ITGA8: variants seen among roughly 807,000 people sequenced by gnomAD.
ITGA8 encodes integrin subunit alpha 8.
A neutral mutation model predicts 142.3 loss-of-function variants in ITGA8; 91 were observed. The observed-to-expected ratio is 0.64, with a 90% CI of 0.54 to 0.76. The LOEUF is 0.76. Among genes scored for constraint, ITGA8 ranks in the 30% least tolerant of loss-of-function variants. ITGA8 has a pLI of 0.00. For missense variants in ITGA8, 1,406 were observed against 1,327.7 expected (o/e 1.06, Z -0.92); for synonymous variants, 505 against 485.2 (o/e 1.04, Z -0.54).
chr10:15,664,316 T>C (rs549347936), intron 8 of ITGA8, among the ~76,000 whole-genome samples: 11 of 152,230 alleles, frequency 7.2e-5, no homozygotes, highest in African/African-American at 1.7e-4. Context: ...GAAGACATAA[T>C]GAGAGGACAA....
At chr10:15,661,611 T>C (rs1019208710) in intron 8 of ITGA8, among the ~76,000 whole-genome samples, 4 of 152,206 alleles carry the variant, frequency 2.6e-5, no homozygotes, top group Non-Finnish European at 4.4e-5. Context: ...GTGTGATTTA[T>C]AAATTAGACT....
chr10:15,560,143 G>A (rs774443274), intron 25 of ITGA8, among the ~76,000 whole-genome samples: 3 of 152,054 alleles, frequency 2.0e-5, no homozygotes, highest in African/African-American at 4.8e-5. Context: ...AGCCAATGTG[G>A]TGGGACAAGC....
At chr10:15,676,949 C>T (rs946428036) in intron 6 of ITGA8, among the ~76,000 whole-genome samples, 1 of 152,114 alleles carries the variant, frequency 6.6e-6, no homozygotes, top group Non-Finnish European at 1.5e-5. Context: ...GTGGAGGTTG[C>T]AGTGGGTCGA....
At chr10:15,642,685 G>A (rs1347478901) in intron 13 of ITGA8, among the ~76,000 whole-genome samples, 1 of 152,160 alleles carries the variant, frequency 6.6e-6, no homozygotes, top group Admixed American at 6.5e-5. Flanking sequence ...GGAAGCATTA[G>A]TATACGATAT....
At chr10:15,712,655 G>A (rs1006797078) in intron 2 of ITGA8, among the ~76,000 whole-genome samples, 2 of 152,106 alleles carry the variant, frequency 1.3e-5, no homozygotes, top group African/African-American at 4.8e-5. Flanking sequence ...GTACTGTCAT[G>A]GTATCCATCA....
At chr10:15,627,293 G>T (rs1316066362) in intron 13 of ITGA8, among the ~76,000 whole-genome samples, 1 of 151,736 alleles carries the variant, frequency 6.6e-6, no homozygotes, top group Non-Finnish European at 1.5e-5. Flanking sequence ...TCTGCAATTA[G>T]TATGCAGCAG....
chr10:15,652,836 C>T (rs1163840503), intron 11 of ITGA8, among the ~76,000 whole-genome samples: 1 of 152,192 alleles, frequency 6.6e-6, no homozygotes. Flanking sequence ...TCCTGCCTCC[C>T]CTGGTGCATG....
intron 2 of ITGA8, among the ~76,000 whole-genome samples, chr10:15,695,344 A>G (rs956454416): frequency 1.3e-5 from 2 of 152,158 alleles, no homozygotes; most frequent in African/African-American, 4.8e-5. Context: ...CCTTTCTAAA[A>G]TTCTGTTTTA....
At chr10:15,548,070 T>A (rs78187703) in intron 27 of ITGA8, among the ~76,000 whole-genome samples, 36 of 150,180 alleles carry the variant, frequency 2.4e-4, no homozygotes, top group South Asian at 1.2e-3. Context: ...GTAAAAAAAA[T>A]TTTTTTAAGT....
intron 26 of ITGA8, among the ~76,000 whole-genome samples, chr10:15,557,568 G>T (rs1024809484): frequency 2.6e-5 from 4 of 152,138 alleles, no homozygotes. Context: ...GCCCAGGCTG[G>T]TCCCAAACCC....
chr10:15,562,330 C>T (rs12772678), intron 25 of ITGA8, among the ~76,000 whole-genome samples: 25,123 of 152,188 alleles, frequency 0.17, 2,619 homozygotes, highest in Non-Finnish European at 0.23. Context: ...CGTGAACGTG[C>T]GCCCCGACAT....
chr10:15,561,209 C>CCA (rs1833967274), intron 25 of ITGA8, among the ~76,000 whole-genome samples: 1 of 116,948 alleles, frequency 8.6e-6, no homozygotes, highest in African/African-American at 3.7e-5. Context: ...TATCTGTTGG[C>CCA]TATATATATA....
intron 25 of ITGA8, among the ~76,000 whole-genome samples, chr10:15,562,773 G>A (rs1834007171): frequency 6.6e-6 from 1 of 152,174 alleles, no homozygotes; most frequent in Non-Finnish European, 1.5e-5. Flanking sequence ...CAGCACTGTG[G>A]GCCCTGGGAC....
Position 15,678,740 on chromosome 10 carries a change from A to G in ITGA8, c.612T>C (p.Phe204=). 1 of 1,610,494 alleles carries G rather than the reference A, an allele frequency of 6.2e-7. No individual in the cohort carries two copies. The highest frequency in any genetic ancestry group is 8.5e-7 in the Non-Finnish European group (1 of 1,176,964). ...PEGQGYCQAG[F]SLDFYKNGDL... ...AATTCACCTTATAAAAATCCAGACT[A>G]AATCCTGCTTGGCAGTAACCCTGGC... The change falls in exon 5 of 30, where the codon TTT becomes TTC. Residue 204 remains phenylalanine, a synonymous_variant. Coordinates refer to ENST00000378076, the MANE Select transcript of ITGA8 (RefSeq NM_003638.3).
At chr10:15,538,054 C>T (rs750357080) in intron 27 of ITGA8, among the ~76,000 whole-genome samples, 1 of 152,040 alleles carries the variant, frequency 6.6e-6, no homozygotes, top group Non-Finnish European at 1.5e-5. Flanking sequence ...TGGGAGGAAC[C>T]TGGAAGTTTG....
chr10:15,572,427 A>T, intron 24 of ITGA8, 58 bp from the exon 25 acceptor site: 1 of 1,489,786 alleles, frequency 6.7e-7, no homozygotes, highest in Non-Finnish European at 9.3e-7. Context: ...GATAAAATCA[A>T]ACTCCATATA....
intron 20 of ITGA8, among the ~76,000 whole-genome samples, chr10:15,600,207 C>G (rs1374056817): frequency 6.6e-6 from 1 of 151,824 alleles, no homozygotes; most frequent in African/African-American, 2.4e-5. Flanking sequence ...GTGTGCTGCA[C>G]CCATTAACTC....
At chr10:15,652,127 A>G (rs1413822350) in intron 11 of ITGA8, among the ~76,000 whole-genome samples, 1 of 152,236 alleles carries the variant, frequency 6.6e-6, no homozygotes, top group African/African-American at 2.4e-5. Context: ...TGTTACTACC[A>G]TGTTGTTTCG....
chr10:15,611,733 C>A (rs1400943868), intron 15 of ITGA8, among the ~76,000 whole-genome samples: 1 of 151,882 alleles, frequency 6.6e-6, no homozygotes, highest in South Asian at 2.1e-4. Context: ...CCCGCCTTGG[C>A]CTCCCAAAGT....
Sources: gnomAD v4.1 joint callset for allele counts (sites outside exome capture counted in the v4.1 genomes callset) on GRCh38, gnomAD v4.1.1 for gene constraint, MANE v1.5 for transcripts, NCBI Gene and HGNC (gene_info 2026-07-23, HGNC 2026-07-21) for gene names.